Variants in FOXJ3 observed in about 807,000 individuals in gnomAD.
FOXJ3 encodes the protein forkhead box protein J3.
In FOXJ3, 22 loss-of-function variants were observed where a neutral mutation model predicts 76.1. The ratio of observed to expected loss-of-function variants is 0.29; its 90% CI spans 0.21 to 0.41. The LOEUF is 0.41. FOXJ3 is among the 10% of genes least tolerant of loss of function. The pLI is 1.00. For missense variants in FOXJ3, 613 were observed against 762.1 expected (o/e 0.80, Z 2.30); for synonymous variants, 269 against 261.2 (o/e 1.03, Z -0.29).
intron 4 of FOXJ3, among the ~76,000 whole-genome samples, chr1:42,245,892 C>A (rs1649513916): frequency 6.6e-6 from 1 of 152,160 alleles, no homozygotes; most frequent in South Asian, 2.1e-4. Context: ...TTGCACATGA[C>A]ATGACCTTAC....
chr1:42,226,169 G>T (rs1647541837), intron 5 of FOXJ3, among the ~76,000 whole-genome samples: 1 of 151,626 alleles, frequency 6.6e-6, no homozygotes, highest in Non-Finnish European at 1.5e-5. Flanking sequence ...TAATGTCCAT[G>T]CATTAAGCCT....
At chr1:42,321,620 G>A (rs576771351) in intron 1 of FOXJ3, among the ~76,000 whole-genome samples, 64 of 152,294 alleles carry the variant, frequency 4.2e-4, no homozygotes, top group African/African-American at 1.5e-3. Flanking sequence ...AAGACAGTAT[G>A]ACTTTTGCTC....
At chr1:42,261,460 G>A (rs751367544) in intron 4 of FOXJ3, among the ~76,000 whole-genome samples, 1 of 151,758 alleles carries the variant, frequency 6.6e-6, no homozygotes, top group East Asian at 1.9e-4. Flanking sequence ...AAAGAGGTGA[G>A]AAAAATGAAT....
intron 4 of FOXJ3, among the ~76,000 whole-genome samples, chr1:42,249,064 C>T (rs370173705): frequency 3.0e-4 from 45 of 152,076 alleles, no homozygotes; most frequent in African/African-American, 1.1e-3. Context: ...CATCCATGTC[C>T]CTGCAAAGGA....
intron 4 of FOXJ3, among the ~76,000 whole-genome samples, chr1:42,264,382 G>C (rs905447851): frequency 6.6e-6 from 1 of 152,210 alleles, no homozygotes; most frequent in Admixed American, 6.5e-5. Flanking sequence ...GTGCTTACAT[G>C]ACCAGGGTTA....
rs1315055468 is a variant in FOXJ3 at position 42,199,267 on chromosome 1, G to A, written c.631-37C>T. On this transcript the variant is annotated intron_variant, in intron 6 of 12. Transcript: ENST00000361346. ...AAAGAAAAATGACAATTGAATATAA[G>A]GGTACTTCTTAAGCAACTCTGCAAA... The A allele has an allele frequency of 4.4e-6, 7 of 1,573,818 alleles. No homozygotes were observed. The East Asian group carries it at 1.3e-4, about 30-fold the overall frequency.
intron 1 of FOXJ3, chr1:42,334,020 C>G: frequency 3.9e-6 from 1 of 258,394 alleles, no homozygotes. Flanking sequence ...ATGGCTCTAA[C>G]TCATTCAGGA....
intron 2 of FOXJ3, among the ~76,000 whole-genome samples, chr1:42,282,918 T>G (rs1317396876): frequency 1.3e-5 from 2 of 152,174 alleles, no homozygotes; most frequent in African/African-American, 2.4e-5. Context: ...AGAAGAAACT[T>G]TCATGACTGA....
At chr1:42,281,996 T>A (rs189644740) in intron 2 of FOXJ3, among the ~76,000 whole-genome samples, 6 of 151,290 alleles carry the variant, frequency 4.0e-5, no homozygotes, top group Non-Finnish European at 8.8e-5. Flanking sequence ...GAGATGAAGG[T>A]TGCAGTGAGC....
chr1:42,178,129 G>A lies in FOXJ3; in HGVS notation c.*1581C>T, dbSNP rs558342425. 19 of 152,510 alleles carry A rather than the reference G, an allele frequency of 1.2e-4. 1 individual carries two copies. Among genetic ancestry groups the A allele is most frequent in the Middle Eastern group, 3.4e-3 (1 of 294 alleles). 9.4% of individuals were successfully genotyped at this position (152,510 alleles called of 1,614,324 possible). ...ACAAACCACCACCACTAAAAAACCC[G>A]TAAGAGGGGCTGCATTTCAAAGAAA... On this transcript the variant is annotated 3_prime_UTR_variant, in exon 13 of 13. Transcript: ENST00000361346.
At chr1:42,247,306 A>G (rs1486331797) in intron 4 of FOXJ3, among the ~76,000 whole-genome samples, 1 of 152,240 alleles carries the variant, frequency 6.6e-6, no homozygotes, top group African/African-American at 2.4e-5. Context: ...GTATCAATTA[A>G]AAAGTTTTAA....
chr1:42,320,123 T>C (rs530076923), intron 1 of FOXJ3, among the ~76,000 whole-genome samples: 1 of 152,324 alleles, frequency 6.6e-6, no homozygotes, highest in Admixed American at 6.5e-5. Flanking sequence ...CTTCAGCTTT[T>C]AAAGACTGTT....
intron 5 of FOXJ3, among the ~76,000 whole-genome samples, chr1:42,222,046 G>GAGAAGA (rs1161062102): frequency 0.036 from 319 of 8,974 alleles, 33 homozygotes; most frequent in African/African-American, 0.053. Context: ...GAAGGAGAAG[G>GAGAAGA]AGAAGAAGAA....
At chr1:42,289,140 T>C (rs1653253812) in intron 2 of FOXJ3, among the ~76,000 whole-genome samples, 1 of 151,994 alleles carries the variant, frequency 6.6e-6, no homozygotes, top group East Asian at 1.9e-4. Flanking sequence ...ACACTGATCT[T>C]CAGTCTTTTG....
At position 42,237,535 on chromosome 1, in the gene FOXJ3, G is replaced by C. The variant is rs567898137; in HGVS notation, c.445-9569C>G. Among the ~76,000 whole-genome samples the C allele has an allele frequency of 6.0e-5, 9 of 149,886 alleles. No homozygotes were observed. The South Asian group carries it at 1.7e-3, about 28-fold the overall frequency. The stretch of plus-strand genomic sequence containing the variant: ...GACTTTTTAATATTCCGAATAACGA[G>C]TCATTTCTATGTGAATATGTACTGT... On this transcript the variant is annotated intron_variant, in intron 4 of 12. Transcript: ENST00000361346.
At chr1:42,247,330 A>G (rs920130984) in intron 4 of FOXJ3, among the ~76,000 whole-genome samples, 3 of 152,216 alleles carry the variant, frequency 2.0e-5, no homozygotes, top group Admixed American at 2.0e-4. Context: ...AATTTTTAAG[A>G]AGGTAAAAAA....
At chr1:42,229,286 G>C (rs1343200780) in intron 4 of FOXJ3, among the ~76,000 whole-genome samples, 2 of 152,084 alleles carry the variant, frequency 1.3e-5, no homozygotes, top group Non-Finnish European at 2.9e-5. Context: ...CTGTTTACAG[G>C]TCTGTATCCC....
At chr1:42,317,574 AAGAG>A (rs1421887729) in intron 1 of FOXJ3, among the ~76,000 whole-genome samples, 2 of 151,756 alleles carry the variant, frequency 1.3e-5, no homozygotes, top group Non-Finnish European at 2.9e-5. Context: ...CAAGTGATAT[AAGAG>A]AGAGAAAGGC....
At chr1:42,187,704 A>G (rs958287590) in intron 11 of FOXJ3, among the ~76,000 whole-genome samples, 2 of 152,228 alleles carry the variant, frequency 1.3e-5, no homozygotes, top group Non-Finnish European at 2.9e-5. Flanking sequence ...AAGAAGCTAT[A>G]AAGTTATCAA....
Sources: gnomAD v4.1 joint callset for allele counts (sites outside exome capture counted in the v4.1 genomes callset) on GRCh38, gnomAD v4.1.1 for gene constraint, MANE v1.5 for transcripts, NCBI Gene and HGNC (gene_info 2026-07-23, HGNC 2026-07-21) for gene names.